KCNJ12: variants seen among roughly 807,000 people sequenced by gnomAD.
KCNJ12 encodes potassium inwardly rectifying channel subfamily J member 12.
A neutral mutation model predicts 22.3 loss-of-function variants in KCNJ12; 2 were observed. The ratio of observed to expected loss-of-function variants is 0.09; its 90% confidence interval spans 0.04 to 0.28. The LOEUF is 0.28. KCNJ12 is among the 10% of genes least tolerant of loss of function. The probability of loss-of-function intolerance (pLI) is 1.00; values close to 1 mark genes in which losing one functional copy is unlikely to be tolerated. For missense variants in KCNJ12, 155 were observed against 633.3 expected, an observed-to-expected ratio of 0.24 and a Z score of 8.11; for synonymous variants, 117 against 261.4, an observed-to-expected ratio of 0.45 and a Z score of 5.33.
At chr17:21,406,902 C>G (rs1905976415) in intron 1 of KCNJ12, among the ~76,000 whole-genome samples, 1 of 152,292 alleles carries the variant, frequency 6.6e-6, no homozygotes, top group East Asian at 1.9e-4. Flanking sequence ...CTCAGAGCCC[C>G]TTCCCACCAA....
intron 1 of KCNJ12, among the ~76,000 whole-genome samples, chr17:21,402,250 A>T (rs1242259915): frequency 1.3e-5 from 2 of 152,304 alleles, no homozygotes; most frequent in African/African-American, 4.8e-5. Context: ...TCTTCTCACT[A>T]GCTCTCCAGA....
chr17:21,379,857 GC>G (rs1405370631), intron 1 of KCNJ12, among the ~76,000 whole-genome samples: 460 of 152,220 alleles, frequency 3.0e-3, no homozygotes, highest in Non-Finnish European at 4.9e-3. Flanking sequence ...CAGGACCAGA[GC>G]CCCCGCTGGG....
chr17:21,402,529 G>A (rs1317391928), intron 1 of KCNJ12, among the ~76,000 whole-genome samples: 1 of 152,312 alleles, frequency 6.6e-6, no homozygotes, highest in Non-Finnish European at 1.5e-5. Flanking sequence ...CTGGGGCAGA[G>A]CGATAGGCTT....
In KCNJ12 at chr17:21,418,451, AG is replaced by A. The variant is rs1399619469; in HGVS notation, c.*1811del. The A allele has an allele frequency of 7.8e-6, 1 of 128,578 alleles. No homozygotes were observed. Among genetic ancestry groups the A allele is most frequent in the South Asian group, 3.0e-4 (1 of 3,296 alleles). 8.0% of individuals were successfully genotyped at this position (128,578 alleles called of 1,614,324 possible). On this transcript the variant is annotated 3_prime_UTR_variant, in exon 3 of 3. Coordinates refer to ENST00000583088, the MANE Select transcript of KCNJ12 (RefSeq NM_021012.5). ...AGTGGGTGGGGTGCAGGAGACAGAG[AG>A]GGGCTGGGGGCGTGGGGTGGGGGTG...
At chr17:21,401,709 ACT>A (rs1168223659) in intron 1 of KCNJ12, among the ~76,000 whole-genome samples, 2 of 151,806 alleles carry the variant, frequency 1.3e-5, no homozygotes, top group African/African-American at 4.8e-5. Context: ...GACTTTAAGG[ACT>A]CTAGAGCACT....
At chr17:21,384,061 T>C (rs906916791) in intron 1 of KCNJ12, among the ~76,000 whole-genome samples, 12 of 152,166 alleles carry the variant, frequency 7.9e-5, no homozygotes, top group African/African-American at 2.7e-4. Context: ...GAGAGGCTTC[T>C]GGGTTTCTCA....
At chr17:21,385,990 A>G (rs1210996664) in intron 1 of KCNJ12, among the ~76,000 whole-genome samples, 1 of 152,228 alleles carries the variant, frequency 6.6e-6, no homozygotes, top group Non-Finnish European at 1.5e-5. Context: ...GCACTGGGGC[A>G]GGAGTCTGGC....
chr17:21,407,734 ACCAT>A (rs1301387646), intron 1 of KCNJ12, among the ~76,000 whole-genome samples: 121 of 148,470 alleles, frequency 8.1e-4, no homozygotes, highest in African/African-American at 2.7e-3. Context: ...CATCTATCCA[ACCAT>A]CCATCCATCC....
At chr17:21,384,924 C>T (rs1175415065) in intron 1 of KCNJ12, among the ~76,000 whole-genome samples, 2 of 152,036 alleles carry the variant, frequency 1.3e-5, no homozygotes, top group Non-Finnish European at 2.9e-5. Context: ...AGGCACCCAC[C>T]ACCGCGCCCG....
At chr17:21,407,815 CCATTCA>C in intron 1 of KCNJ12, among the ~76,000 whole-genome samples, 1 of 3,440 alleles carries the variant, frequency 2.9e-4, no homozygotes. Flanking sequence ...ATCCATTCAC[CCATTCA>C]TCCACTCATC....
intron 1 of KCNJ12, among the ~76,000 whole-genome samples, chr17:21,384,833 C>T (rs1368877339): frequency 6.7e-6 from 1 of 148,294 alleles, no homozygotes; most frequent in Admixed American, 6.8e-5. Flanking sequence ...AGTGCAATGG[C>T]GCGATCTCAG....
intron 1 of KCNJ12, among the ~76,000 whole-genome samples, chr17:21,387,729 T>C (rs1422857110): frequency 6.6e-6 from 1 of 152,244 alleles, no homozygotes; most frequent in Non-Finnish European, 1.5e-5. Flanking sequence ...TTCTGTTTAG[T>C]TAACTGGCCT....
At chr17:21,387,299 G>A (rs868963772) in intron 1 of KCNJ12, among the ~76,000 whole-genome samples, 8 of 143,210 alleles carry the variant, frequency 5.6e-5, no homozygotes, top group Admixed American at 1.4e-4. Context: ...AAAATTAGCC[G>A]GGCGTGGTGG....
At position 21,417,442 on chromosome 17, in the gene KCNJ12, G is replaced by A. The variant is rs1906913574; in HGVS notation, c.*798G>A. The A allele has an allele frequency of 6.0e-6, 1 of 167,142 alleles. No individual in the cohort carries two copies. Among genetic ancestry groups the A allele is most frequent in the Non-Finnish European group, 1.5e-5 (1 of 68,142 alleles). The allele number at this position is 167,142 out of a possible 1,614,324, so 10.4% of individuals were successfully genotyped here. On this transcript the variant is annotated 3_prime_UTR_variant, in exon 3 of 3. Coordinates refer to ENST00000583088, the MANE Select transcript of KCNJ12 (RefSeq NM_021012.5). ...GTTTGCCTTTGTACCTTAGAGATGT[G>A]TCTCAGGGCCAGGCATGGGACCTGC...
intron 1 of KCNJ12, among the ~76,000 whole-genome samples, chr17:21,385,648 C>G (rs1225428455): frequency 6.6e-6 from 1 of 152,220 alleles, no homozygotes; most frequent in Non-Finnish European, 1.5e-5. Context: ...CCCCGCTGCC[C>G]TCCTCTTTTC....
intron 1 of KCNJ12, among the ~76,000 whole-genome samples, 168 bp from the exon 2 acceptor site, chr17:21,408,351 G>T (rs539042967): frequency 6.6e-6 from 1 of 152,244 alleles, no homozygotes; most frequent in African/African-American, 2.4e-5. Context: ...TTGCTATGCT[G>T]TGAAGGTGTG....
At chr17:21,402,369 T>C (rs1905667490) in intron 1 of KCNJ12, among the ~76,000 whole-genome samples, 1 of 152,280 alleles carries the variant, frequency 6.6e-6, no homozygotes, top group African/African-American at 2.4e-5. Context: ...TGGTCTGTCT[T>C]GCCCCAGCAG....
rs536320105 is a variant in KCNJ12 at position 21,411,274 on chromosome 17, C to T, written c.-57+2634C>T. On this transcript the variant is annotated intron_variant, in intron 2 of 2. Coordinates refer to ENST00000583088, the MANE Select transcript of KCNJ12 (RefSeq NM_021012.5). The stretch of plus-strand genomic sequence containing the variant: ...CGTGGCAGCTGCCGTCTGGCATCCT[C>T]TCTAAAAGCTCCCAGCCCAGGTCCT... Among the ~76,000 whole-genome samples, 48 of 152,390 alleles carry T rather than the reference C, an allele frequency of 3.1e-4. No individual in the cohort carries two copies. In the South Asian group the frequency reaches 9.0e-3, roughly 28 times the overall value.
intron 2 of KCNJ12, among the ~76,000 whole-genome samples, chr17:21,411,167 G>A (rs1906320743): frequency 6.6e-6 from 1 of 152,310 alleles, no homozygotes; most frequent in Non-Finnish European, 1.5e-5. Context: ...GAGAAGCCCA[G>A]GGCCTCAGGG....
Sources: gnomAD v4.1 joint callset for allele counts (sites outside exome capture counted in the v4.1 genomes callset) on GRCh38, gnomAD v4.1.1 for gene constraint, MANE v1.5 for transcripts, NCBI Gene and HGNC (gene_info 2026-07-23, HGNC 2026-07-21) for gene names.